TMEM132B: variants seen among roughly 807,000 people sequenced by gnomAD.
TMEM132B encodes transmembrane protein 132B.
TMEM132B carries 18 observed loss-of-function variants against 90.8 expected under a neutral mutation model. The ratio of observed to expected loss-of-function variants is 0.20; its 90% CI spans 0.14 to 0.29. The LOEUF is 0.29. Among genes scored for constraint, TMEM132B ranks in the 10% least tolerant of loss-of-function variants. The pLI is 1.00. For missense variants in TMEM132B, 1,096 were observed against 1,326.8 expected (o/e 0.83, Z 2.70); for synonymous variants, 504 against 523.3 (o/e 0.96, Z 0.50).
intron 1 of TMEM132B, among the ~76,000 whole-genome samples, chr12:125,334,138 T>C (rs936441750): frequency 1.3e-5 from 2 of 152,220 alleles, no homozygotes; most frequent in African/African-American, 4.8e-5. Context: ...ATTAAAATCT[T>C]AAATCATTAG....
chr12:125,251,860 G>T lies in TMEM132B; in HGVS notation c.67+64994G>T, dbSNP rs1436726712. Among the ~76,000 whole-genome samples the T allele has an allele frequency of 6.6e-6, 1 of 152,200 alleles. No homozygotes were observed. Among genetic ancestry groups the T allele is most frequent in the Admixed American group, 6.5e-5 (1 of 15,278 alleles). On this transcript the variant is annotated intron_variant, in intron 1 of 8. Coordinates refer to ENST00000682704, the MANE Select transcript of TMEM132B (RefSeq NM_001366854.1). This position sits in a 1 kb window ranked among gnomAD's most constrained non-coding sequence, Gnocchi z 4.4. ...ATCATAATTTTAAAAATATCGGGTGGTCAAAACAAAGCAAAAGAACAATAC... is the reference window on the plus strand; with the variant it reads ...ATCATAATTTTAAAAATATCGGGTGTTCAAAACAAAGCAAAAGAACAATAC...
intron 3 of TMEM132B, among the ~76,000 whole-genome samples, chr12:125,449,502 A>AT (rs1881093792): frequency 2.6e-5 from 4 of 151,992 alleles, no homozygotes; most frequent in Admixed American, 2.6e-4. Flanking sequence ...AGATTTATCA[A>AT]TTTTTTTAAT....
chr12:125,243,186 C>G (rs1273455338), intron 1 of TMEM132B, among the ~76,000 whole-genome samples: 1 of 151,140 alleles, frequency 6.6e-6, no homozygotes, highest in East Asian at 1.9e-4. Flanking sequence ...CTCTGTCACC[C>G]AGGCTGGAGT....
chr12:125,488,171 A>G (rs1882249296), intron 3 of TMEM132B, among the ~76,000 whole-genome samples: 1 of 152,218 alleles, frequency 6.6e-6, no homozygotes, highest in Admixed American at 6.5e-5. Flanking sequence ...TAAAATAAAC[A>G]TTATATTTAA....
chr12:125,538,921 T>G (rs551006534), intron 4 of TMEM132B, among the ~76,000 whole-genome samples: 1 of 152,264 alleles, frequency 6.6e-6, no homozygotes, highest in South Asian at 2.1e-4. Context: ...TCCTAGGATC[T>G]GTAATCTCCA....
chr12:125,270,112 T>TCGTGTGTGTGTGTGTG (rs1555235074), intron 1 of TMEM132B, among the ~76,000 whole-genome samples: 3 of 143,144 alleles, frequency 2.1e-5, no homozygotes, highest in Admixed American at 7.0e-5. Flanking sequence ...CACATCTTTG[T>TCGTGTGTGTGTGTGTG]TGTGTGTGTG....
chr12:125,471,216 C>G (rs1593162780), intron 3 of TMEM132B, among the ~76,000 whole-genome samples: 1 of 152,298 alleles, frequency 6.6e-6, no homozygotes, highest in Middle Eastern at 3.4e-3. Context: ...GTTTTCAGTC[C>G]CATGCGGGAC....
chr12:125,362,692 C>T (rs545933423), intron 2 of TMEM132B, among the ~76,000 whole-genome samples: 165 of 152,302 alleles, frequency 1.1e-3, no homozygotes, highest in African/African-American at 3.8e-3. Flanking sequence ...CCTTTAGGTA[C>T]CTCATAGAAT....
At chr12:125,545,748 A>C (rs952428204) in intron 4 of TMEM132B, among the ~76,000 whole-genome samples, 1 of 152,198 alleles carries the variant, frequency 6.6e-6, no homozygotes, top group Non-Finnish European at 1.5e-5. Context: ...CTCAAAAATG[A>C]AGAAGAGACA....
chr12:125,290,579 G>T (rs772236513), intron 1 of TMEM132B, among the ~76,000 whole-genome samples: 1 of 152,228 alleles, frequency 6.6e-6, no homozygotes, highest in East Asian at 1.9e-4. Context: ...ATATCCTTCC[G>T]CAATGTGTTC....
intron 1 of TMEM132B, among the ~76,000 whole-genome samples, chr12:125,218,559 G>A (rs1352286252): frequency 6.6e-6 from 1 of 152,118 alleles, no homozygotes; most frequent in Non-Finnish European, 1.5e-5. Context: ...CACCCTGGCT[G>A]TATTCTGCAT....
chr12:125,294,542 TG>T (rs1406599074), intron 1 of TMEM132B, among the ~76,000 whole-genome samples: 5 of 152,252 alleles, frequency 3.3e-5, no homozygotes, highest in Admixed American at 3.3e-4. Context: ...AAAATAATTA[TG>T]GCTGCCACTG....
intron 1 of TMEM132B, among the ~76,000 whole-genome samples, chr12:125,265,633 G>A (rs1159393218): frequency 6.6e-6 from 1 of 152,034 alleles, no homozygotes; most frequent in Non-Finnish European, 1.5e-5. Context: ...TGAAAACAGG[G>A]GCCTCTGCAA....
chr12:125,516,059 A>G (rs1265378546), intron 3 of TMEM132B, among the ~76,000 whole-genome samples: 4 of 151,674 alleles, frequency 2.6e-5, no homozygotes, highest in Non-Finnish European at 5.9e-5. Flanking sequence ...ATTCTCTCAC[A>G]TATACTCACA....
At chr12:125,527,489 C>T (rs559763553) in intron 4 of TMEM132B, among the ~76,000 whole-genome samples, 131 of 142,572 alleles carry the variant, frequency 9.2e-4, no homozygotes, top group Non-Finnish European at 1.6e-3. Flanking sequence ...TCCACCCTTC[C>T]AACCACCCAT....
At chr12:125,581,824 T>C (rs1207116208) in intron 4 of TMEM132B, among the ~76,000 whole-genome samples, 2 of 152,064 alleles carry the variant, frequency 1.3e-5, no homozygotes, top group Non-Finnish European at 2.9e-5. Flanking sequence ...TTCCATATCA[T>C]TACCCCACCT....
chr12:125,432,528 TAG>T lies in TMEM132B; in HGVS notation c.1106+16889_1106+16890del, dbSNP rs1163300235. Among the ~76,000 whole-genome samples the T allele has an allele frequency of 4.9e-3, 192 of 39,112 alleles. 55 individuals carry two copies. The highest frequency in any genetic ancestry group is 0.011 in the African/African-American group (87 of 8,056). The allele number at this position is 39,112 out of a possible 152,430, so 25.7% of individuals were successfully genotyped here. On this transcript the variant is annotated intron_variant, in intron 3 of 8. Coordinates refer to ENST00000682704, the MANE Select transcript of TMEM132B (RefSeq NM_001366854.1). ...GTGTGTGTGTATATATATATATATA[TAG>T]AGAGAGAGAGAGAGAGAGAGAGAGA...
chr12:125,570,595 A>C (rs1308909352), intron 4 of TMEM132B, among the ~76,000 whole-genome samples: 1 of 152,230 alleles, frequency 6.6e-6, no homozygotes, highest in Non-Finnish European at 1.5e-5. Flanking sequence ...AAAGAGCTGA[A>C]TTTTGAAATC....
intron 1 of TMEM132B, among the ~76,000 whole-genome samples, chr12:125,309,033 C>A (rs1444220979): frequency 6.6e-6 from 1 of 152,014 alleles, no homozygotes; most frequent in Non-Finnish European, 1.5e-5. Flanking sequence ...TTACACTTAC[C>A]TCAATCTTTT....
Sources: gnomAD v4.1 joint callset for allele counts (sites outside exome capture counted in the v4.1 genomes callset) on GRCh38, gnomAD v4.1.1 for gene constraint, Gnocchi (gnomAD v3.1) non-coding constraint, MANE v1.5 for transcripts, NCBI Gene and HGNC (gene_info 2026-07-23, HGNC 2026-07-21) for gene names.